RANBP1: variants seen among roughly 807,000 people sequenced by gnomAD.
RANBP1 encodes RAN binding protein 1, also known as ran-specific GTPase-activating protein.
Under a neutral mutation model 31.4 loss-of-function variants are expected in RANBP1, and 16 were observed. The observed-to-expected ratio is 0.51, with a 90% CI of 0.34 to 0.77. The LOEUF is 0.77. RANBP1 is among the 30% of genes least tolerant of loss of function. RANBP1 has a pLI of 0.01. For synonymous variants in RANBP1, 129 were observed against 140.5 expected (o/e 0.92, Z 0.58); for missense variants, 265 against 362.0 (o/e 0.73, Z 2.17).
At chr22:20,117,412 G>A (rs917454371) in intron 1 of RANBP1, 4 of 1,209,746 alleles carry the variant, frequency 3.3e-6, no homozygotes, top group African/African-American at 3.2e-5. Flanking sequence ...CGCGGGGCGG[G>A]CCGGACAATG....
intron 2 of RANBP1, chr22:20,119,527 CTGTT>C (rs1568979722): frequency 4.5e-6 from 1 of 221,420 alleles, no homozygotes; most frequent in African/African-American, 2.3e-5. Flanking sequence ...CACCCGGTGT[CTGTT>C]GTTGTTGTTG....
intron 5 of RANBP1, 69 bp downstream of exon 5, chr22:20,126,437 G>C (rs775669214): frequency 6.2e-7 from 1 of 1,611,238 alleles, no homozygotes; most frequent in African/African-American, 1.3e-5. Context: ...ACTTCCAGGC[G>C]GGTGCTTTTT....
At chr22:20,122,701 A>C (rs1172082159) in intron 3 of RANBP1, 1 of 1,310,156 alleles carries the variant, frequency 7.6e-7, no homozygotes. Context: ...ACGAGGAGTG[A>C]GTGCTGCAGG....
intron 4 of RANBP1, chr22:20,125,717 C>T (rs551645533): frequency 5.5e-6 from 7 of 1,262,604 alleles, no homozygotes; most frequent in East Asian, 3.6e-5. Context: ...CTCCAAGCTC[C>T]GGTTCCCATT....
At chr22:20,126,701 G>A (rs1181318608) in intron 5 of RANBP1, 2 of 1,494,362 alleles carry the variant, frequency 1.3e-6, no homozygotes, top group Non-Finnish European at 1.8e-6. Flanking sequence ...AGCTGTGGTG[G>A]CAAGTGACCA....
intron 3 of RANBP1, 164 bp downstream of exon 3, chr22:20,122,585 C>T (rs2050196346): frequency 6.5e-7 from 1 of 1,538,324 alleles, no homozygotes; most frequent in Non-Finnish European, 8.8e-7. Context: ...TTCAGACGTG[C>T]CTCTGAACTC....
At chr22:20,118,127 C>T in intron 1 of RANBP1, 1 of 1,000,812 alleles carries the variant, frequency 1.0e-6, no homozygotes, top group Non-Finnish European at 1.2e-6. Flanking sequence ...CAGCGTGGGG[C>T]ACAGGTCCTA....
At chr22:20,116,466 G>A (rs1454629478) in intron 1 of RANBP1, 36 bp downstream of exon 1, 5 of 1,612,758 alleles carry the variant, frequency 3.1e-6, no homozygotes, top group South Asian at 1.1e-5. Context: ...TGTAGAGCCC[G>A]GGCTGAGGCC....
At chr22:20,122,120 G>A (rs756814286) in intron 2 of RANBP1, 144 bp from the exon 3 acceptor site, 15 of 791,996 alleles carry the variant, frequency 1.9e-5, no homozygotes, top group African/African-American at 3.5e-5. Context: ...GTGTTGTGAC[G>A]GGCAGTTCTT....
intron 1 of RANBP1, 144 bp from the exon 2 acceptor site, chr22:20,118,869 C>G (rs1485798335): frequency 3.9e-6 from 3 of 760,132 alleles, no homozygotes; most frequent in South Asian, 1.9e-5. Context: ...AAGAGTGGGC[C>G]TAATTTCTTG....
At chr22:20,117,828 G>C (rs2050075357) in intron 1 of RANBP1, 5 of 1,021,558 alleles carry the variant, frequency 4.9e-6, no homozygotes, top group Non-Finnish European at 3.5e-6. Flanking sequence ...GGGGTTTGGG[G>C]GCTCGAGGCC....
intron 1 of RANBP1, chr22:20,116,869 T>C: frequency 6.3e-7 from 1 of 1,586,362 alleles, no homozygotes; most frequent in South Asian, 1.1e-5. Context: ...ACCCAGCGTC[T>C]CCCCGCACTC....
At chr22:20,126,855 T>C (rs551628762) in intron 5 of RANBP1, 97 bp from the exon 6 acceptor site, 2 of 1,463,258 alleles carry the variant, frequency 1.4e-6, no homozygotes, top group South Asian at 2.3e-5. Context: ...GGCAAGCCGC[T>C]GTGGGTGGGT....
chr22:20,118,698 C>G (rs1338911279), intron 1 of RANBP1, among the ~76,000 whole-genome samples: 1 of 152,216 alleles, frequency 6.6e-6, no homozygotes, highest in African/African-American at 2.4e-5. Flanking sequence ...CAGTTTCTGC[C>G]AGGCCACTCT....
intron 1 of RANBP1, 75 bp from the exon 2 acceptor site, chr22:20,118,938 C>A: frequency 6.8e-7 from 1 of 1,479,502 alleles, no homozygotes; most frequent in Non-Finnish European, 9.3e-7. Context: ...GGGCTGACCA[C>A]TGCAGGCACT....
At chr22:20,126,090 C>T (rs545148733) in intron 4 of RANBP1, among the ~76,000 whole-genome samples, 120 of 152,362 alleles carry the variant, frequency 7.9e-4, no homozygotes, top group African/African-American at 2.8e-3. Flanking sequence ...CCCTTGGTTG[C>T]CTGAGGGTCC....
At chr22:20,117,832 C>T in intron 1 of RANBP1, 1 of 1,017,828 alleles carries the variant, frequency 9.8e-7, no homozygotes, top group Non-Finnish European at 1.2e-6. Context: ...TTTGGGGGCT[C>T]GAGGCCTGCG....
rs752834267 is a variant in RANBP1 at position 20,126,316 on chromosome 22, C to T, written c.684C>T (p.Phe228=). The change falls in exon 5 of 6, where the codon TTC becomes TTT. Residue 228 remains phenylalanine (F), a synonymous_variant. Coordinates refer to ENST00000430524, the MANE Select transcript of RANBP1 (RefSeq NM_001278639.2). Reference sequence around the variant, plus strand: ...TCCCTTCCACAGATGCACAGAAATTCAAAACAAAGTTTGAAGAATGCAGGA... The same window carrying T: ...TCCCTTCCACAGATGCACAGAAATTTAAAACAAAGTTTGAAGAATGCAGGA... ...RFLNAENAQK[F]KTKFEECRKE... 1.4e-5 allele frequency: 22 copies of T among 1,613,138 alleles called. No homozygotes were observed. The highest frequency in any genetic ancestry group is 1.7e-5 in the Admixed American group (1 of 59,968).
intron 1 of RANBP1, chr22:20,116,699 CCGT>C: frequency 2.0e-6 from 3 of 1,465,266 alleles, no homozygotes; most frequent in Non-Finnish European, 2.7e-6. Flanking sequence ...ACCCAGACCT[CCGT>C]CGGTGCACTC....
Sources: gnomAD v4.1 joint callset for allele counts (sites outside exome capture counted in the v4.1 genomes callset) on GRCh38, gnomAD v4.1.1 for gene constraint, MANE v1.5 for transcripts, NCBI Gene and HGNC (gene_info 2026-07-23, HGNC 2026-07-21) for gene names.